The following PPP2R1B variants were observed in gnomAD, a reference collection of about 807,000 sequenced individuals.
PPP2R1B encodes protein phosphatase 2 scaffold subunit Abeta.
Under a neutral mutation model 72.7 loss-of-function variants are expected in PPP2R1B, and 58 were observed. The ratio of observed to expected loss-of-function variants is 0.80; its 90% confidence interval spans 0.65 to 0.99. The LOEUF is 0.99. Among genes scored for constraint, PPP2R1B ranks in the 50% least tolerant of loss-of-function variants. The pLI, the probability that PPP2R1B is intolerant of heterozygous loss-of-function variation, is 0.00. For synonymous variants in PPP2R1B, 256 were observed against 264.6 expected (o/e 0.97, Z 0.32); for missense variants, 695 against 733.6 (o/e 0.95, Z 0.61).
chr11:111,763,598 G>A (rs1314508214), intron 3 of PPP2R1B, among the ~76,000 whole-genome samples: 7 of 152,148 alleles, frequency 4.6e-5, no homozygotes, highest in African/African-American at 7.2e-5. Flanking sequence ...TGAAATATAC[G>A]TAGACTCTAT....
the PPP2R1B span, among the ~76,000 whole-genome samples, chr11:111,715,870 C>T: frequency 3.1e-5 from 4 of 130,228 alleles, no homozygotes; most frequent in Non-Finnish European, 6.2e-5. Flanking sequence ...GACACGATCT[C>T]AGCTCATTGC....
intron 4 of PPP2R1B, 90 bp downstream of exon 4, chr11:111,760,729 T>G: frequency 8.9e-7 from 1 of 1,119,692 alleles, no homozygotes. Context: ...CTATGTAAAT[T>G]GTCAGCTACA....
At chr11:111,744,460 T>A (rs1024590762) in intron 11 of PPP2R1B, among the ~76,000 whole-genome samples, 8 of 152,210 alleles carry the variant, frequency 5.3e-5, no homozygotes, top group African/African-American at 1.9e-4. Context: ...TATCCTTTGA[T>A]CATTTATCAA....
At chr11:111,713,945 C>T in the PPP2R1B span, among the ~76,000 whole-genome samples, 4 of 151,828 alleles carry the variant, frequency 2.6e-5, no homozygotes, top group African/African-American at 9.7e-5. Context: ...CCAGCCCAGG[C>T]GACAGTGCAA....
rs1015751549 is a variant in PPP2R1B at position 111,738,477 on chromosome 11, C to T, written c.*3119G>A. ...AACAAAAGTGCACCAGGTTAACCGC[C>T]GGGTCAGGAAGGACAGGCTTGCTTC... On this transcript the variant is annotated 3_prime_UTR_variant, in exon 15 of 15. Transcript: ENST00000527614. 1.5e-5 allele frequency: 15 copies of T among 985,268 alleles called. No homozygotes were observed. The East Asian group carries it at 3.4e-4, about 22-fold the overall frequency. 61.0% of individuals were successfully genotyped at this position (985,268 alleles called of 1,614,324 possible).
chr11:111,742,312 A>ATATG, intron 13 of PPP2R1B, 168 bp from the exon 14 acceptor site: 1 of 665,168 alleles, frequency 1.5e-6, no homozygotes, highest in Non-Finnish European at 2.3e-6. Flanking sequence ...CAGCAAAATC[A>ATATG]GCTTCAGACA....
chr11:111,712,514 C>T, the PPP2R1B span: 11 of 869,660 alleles, frequency 1.3e-5, no homozygotes, highest in Non-Finnish European at 1.4e-5. Context: ...TGGAGAAAAA[C>T]CTTAGAACAG....
the PPP2R1B span, chr11:111,703,177 C>T: frequency 6.2e-7 from 1 of 1,607,386 alleles, no homozygotes. Context: ...ATTCTTGTGA[C>T]TTTTGTAACA....
the PPP2R1B span, among the ~76,000 whole-genome samples, chr11:111,718,502 C>A: frequency 6.6e-6 from 1 of 152,202 alleles, no homozygotes; most frequent in Non-Finnish European, 1.5e-5. Context: ...CCCTGTAATG[C>A]ATTAGCCACC....
At chr11:111,731,683 G>A (rs1246545692) in intron 15 of PPP2R1B, among the ~76,000 whole-genome samples, 1 of 152,206 alleles carries the variant, frequency 6.6e-6, no homozygotes, top group Non-Finnish European at 1.5e-5. Flanking sequence ...CAGTCGGCAG[G>A]GCCCACACTG....
the PPP2R1B span, among the ~76,000 whole-genome samples, chr11:111,692,546 C>T: frequency 6.6e-6 from 1 of 151,914 alleles, no homozygotes; most frequent in Non-Finnish European, 1.5e-5. Context: ...GGAAAAAAGC[C>T]AGGAGAGGCG....
intron 8 of PPP2R1B, among the ~76,000 whole-genome samples, chr11:111,753,977 C>T (rs1945009172): frequency 6.6e-6 from 1 of 151,822 alleles, no homozygotes. Context: ...AGTACAGTGG[C>T]ATGATCATAG....
chr11:111,692,388 A>AAAAAAAAAAC, the PPP2R1B span, among the ~76,000 whole-genome samples: 8 of 110,916 alleles, frequency 7.2e-5, no homozygotes, highest in Non-Finnish European at 5.9e-5. Flanking sequence ...AAAAAAAAAA[A>AAAAAAAAAAC]CACAAAAAGG....
chr11:111,720,807 A>G, the PPP2R1B span: 2 of 1,571,190 alleles, frequency 1.3e-6, no homozygotes, highest in South Asian at 2.4e-5. Context: ...GTCGTAGGAG[A>G]GCAGTTTCTT....
At chr11:111,709,904 C>T in the PPP2R1B span, among the ~76,000 whole-genome samples, 2 of 152,186 alleles carry the variant, frequency 1.3e-5, no homozygotes, top group African/African-American at 2.4e-5. Context: ...GGCACAGCAC[C>T]GTCTGGCCAT....
chr11:111,754,264 T>C (rs1426043767), intron 8 of PPP2R1B, among the ~76,000 whole-genome samples: 1 of 152,226 alleles, frequency 6.6e-6, no homozygotes, highest in East Asian at 1.9e-4. Flanking sequence ...TAGTTGATAA[T>C]GTTTCCTCAG....
Position 111,737,888 on chromosome 11 carries a change from A to C in PPP2R1B, c.*3708T>G, listed in dbSNP as rs558168538. The stretch of plus-strand genomic sequence containing the variant: ...AAAGACCTGGCTCCTTTCAGAACTC[A>C]TATCAGTTTAAGAGAACAACTCTGG... On this transcript the variant is annotated 3_prime_UTR_variant, in exon 15 of 15. Coordinates refer to ENST00000527614, the MANE Select transcript of PPP2R1B (RefSeq NM_002716.5). 9.6e-6 allele frequency: 11 copies of C among 1,142,838 alleles called. No homozygotes were observed. Among genetic ancestry groups the C allele is most frequent in the East Asian group, 9.8e-5 (2 of 20,470 alleles). 70.8% of individuals were successfully genotyped at this position (1,142,838 alleles called of 1,614,324 possible).
chr11:111,731,996 ACT>A, intron 15 of PPP2R1B, among the ~76,000 whole-genome samples: 1 of 152,162 alleles, frequency 6.6e-6, no homozygotes, highest in East Asian at 1.9e-4. Flanking sequence ...TCCCCAGGAC[ACT>A]CTTCAGTTCT....
intron 5 of PPP2R1B, 140 bp from the exon 6 acceptor site, chr11:111,755,590 CTT>C (rs1167247279): frequency 0.034 from 15,242 of 442,184 alleles, no homozygotes; most frequent in South Asian, 0.053. Flanking sequence ...ACATCTTTTT[CTT>C]TTTTTTTTTT....
Sources: allele counts gnomAD v4.1 joint callset (sites outside exome capture counted in the v4.1 genomes callset), GRCh38; gene constraint gnomAD v4.1.1; transcripts MANE v1.5; gene names NCBI Gene and HGNC (gene_info 2026-07-23, HGNC 2026-07-21).